Variants in EIF2B3 observed in about 807,000 individuals in gnomAD.
EIF2B3 encodes eukaryotic translation initiation factor 2B subunit gamma.
In EIF2B3, 20 loss-of-function variants were observed where a neutral mutation model predicts 54.1. The observed-to-expected ratio is 0.37, with a 90% CI of 0.26 to 0.54. The LOEUF (loss-of-function observed/expected upper bound fraction) is 0.54. Ranked by LOEUF, EIF2B3 falls within the 20% of genes least tolerant of loss-of-function variation. The probability of loss-of-function intolerance (pLI) is 0.86; values close to 1 mark genes in which losing one functional copy is unlikely to be tolerated. For synonymous variants in EIF2B3, 153 were observed against 188.1 expected (o/e 0.81, Z 1.52); for missense variants, 448 against 547.8 (o/e 0.82, Z 1.82).
chr1:44,854,929 C>T (rs571412695), intron 11 of EIF2B3, among the ~76,000 whole-genome samples: 5 of 151,954 alleles, frequency 3.3e-5, no homozygotes, highest in East Asian at 1.9e-4. Context: ...TTTCCTGAAA[C>T]CCCTTCATGT....
rs568015724 is a variant in EIF2B3 at position 44,888,609 on chromosome 1, A to G, written c.657-6870T>C. 2.0e-5 allele frequency among the ~76,000 whole-genome samples: 3 copies of G among 152,280 alleles called. No individual in the cohort carries two copies. The East Asian group carries it at 5.8e-4, about 29-fold the overall frequency. ...CTCATATTAAGTTGTAACGAATCTA[A>G]TGTATTTTGTGCTATGAATTTGTCT... On this transcript the variant is annotated intron_variant, in intron 6 of 11. Coordinates refer to ENST00000360403, the MANE Select transcript of EIF2B3 (RefSeq NM_020365.5).
intron 8 of EIF2B3, among the ~76,000 whole-genome samples, chr1:44,876,884 C>CTG (rs1413251646): frequency 1.5e-5 from 2 of 136,782 alleles, no homozygotes; most frequent in African/African-American, 3.0e-5. Flanking sequence ...TCCTGTTGAT[C>CTG]TGCGACCTTA....
At chr1:44,948,880 G>A (rs1184271094) in intron 3 of EIF2B3, among the ~76,000 whole-genome samples, 2 of 151,338 alleles carry the variant, frequency 1.3e-5, no homozygotes, top group African/African-American at 4.9e-5. Context: ...TTTTGAGAAA[G>A]AGTCTCGCTC....
rs768258901 is a variant in EIF2B3 at position 44,978,379 on chromosome 1, C to T, written c.230G>A (p.Cys77Tyr). ...FKMKMKPDIV[C>Y]IPDDADMGTA... ...TCCCATGTCAGCGTCATCAGGAATA[C>T]ACACAATATCTGGCTTCATTTTCAT... Residue 77 changes from cysteine to tyrosine, a missense_variant, in exon 3 of 12, where the codon TGT (cysteine) becomes TAT (tyrosine). Physicochemically the swap from Cys to Tyr is radical, Grantham distance 194. This residue lies in a region of EIF2B3 where 95 missense variants were observed against 115.7 expected (regional missense o/e 0.82). Transcript: ENST00000360403. The T allele has an allele frequency of 2.8e-5, 45 of 1,613,916 alleles. No individual in the cohort carries two copies. The South Asian group carries it at 4.4e-4, about 16-fold the overall frequency.
chr1:44,984,795 A>ATTTTTTTTTTTTTTTTTTTTTTTTTTT (rs1557718636), intron 1 of EIF2B3, among the ~76,000 whole-genome samples: 1 of 80,470 alleles, frequency 1.2e-5, no homozygotes, highest in South Asian at 4.0e-4. Context: ...AATAATGTCC[A>ATTTTTTTTTTTTTTTTTTTTTTTTTTT]TCTTTTTTTT....
At chr1:44,966,300 G>A (rs1002670157) in intron 3 of EIF2B3, among the ~76,000 whole-genome samples, 3 of 151,964 alleles carry the variant, frequency 2.0e-5, no homozygotes, top group Non-Finnish European at 4.4e-5. Context: ...TTGGCCAGGC[G>A]TGGTGGCGGG....
chr1:44,934,685 A>G (rs2148937091), intron 4 of EIF2B3, among the ~76,000 whole-genome samples: 1 of 151,974 alleles, frequency 6.6e-6, no homozygotes, highest in East Asian at 1.9e-4. Flanking sequence ...TTGTATTTTT[A>G]GTAGAGACAG....
At chr1:44,977,922 T>C (rs1172176813) in intron 3 of EIF2B3, among the ~76,000 whole-genome samples, 1 of 152,150 alleles carries the variant, frequency 6.6e-6, no homozygotes, top group Non-Finnish European at 1.5e-5. Context: ...TAAAAATATA[T>C]CAGAAATAAA....
At chr1:44,895,048 T>C (rs879700535) in intron 6 of EIF2B3, among the ~76,000 whole-genome samples, 2 of 152,208 alleles carry the variant, frequency 1.3e-5, no homozygotes, top group Admixed American at 1.3e-4. Context: ...TTCCAATATA[T>C]TGAAATATAT....
chr1:44,980,762 G>A (rs1644503128), intron 2 of EIF2B3, among the ~76,000 whole-genome samples: 1 of 152,056 alleles, frequency 6.6e-6, no homozygotes, highest in South Asian at 2.1e-4. Flanking sequence ...GCATTTAAGA[G>A]TCTCAATCTG....
intron 4 of EIF2B3, among the ~76,000 whole-genome samples, chr1:44,933,477 A>T (rs1489905964): frequency 6.6e-6 from 1 of 152,168 alleles, no homozygotes; most frequent in Non-Finnish European, 1.5e-5. Context: ...AAAGCACGTT[A>T]TTTGGAGATA....
At chr1:44,873,639 A>G (rs1655031113) in intron 10 of EIF2B3, among the ~76,000 whole-genome samples, 2 of 151,006 alleles carry the variant, frequency 1.3e-5, no homozygotes, top group African/African-American at 4.9e-5. Context: ...TTTATTTTTT[A>G]TTTATTTATT....
chr1:44,933,620 G>T (rs1643916803), intron 4 of EIF2B3, among the ~76,000 whole-genome samples: 1 of 151,936 alleles, frequency 6.6e-6, no homozygotes, highest in South Asian at 2.1e-4. Flanking sequence ...TAAATTTTGG[G>T]CATATAAAAC....
chr1:44,852,876 A>G (rs1248372948), intron 11 of EIF2B3, among the ~76,000 whole-genome samples: 1 of 152,090 alleles, frequency 6.6e-6, no homozygotes, highest in Non-Finnish European at 1.5e-5. Flanking sequence ...CTACTGCCAC[A>G]TGATGATTTT....
At chr1:44,857,628 A>G (rs1219945967) in intron 11 of EIF2B3, 76 bp downstream of exon 11, 32 of 1,405,260 alleles carry the variant, frequency 2.3e-5, no homozygotes, top group Non-Finnish European at 3.1e-5. Context: ...TGTTTCCCAC[A>G]TCCTCACCAG....
intron 1 of EIF2B3, among the ~76,000 whole-genome samples, chr1:44,983,704 TC>T (rs927806389): frequency 4.6e-5 from 7 of 151,850 alleles, no homozygotes; most frequent in African/African-American, 1.4e-4. Context: ...AAACTCTGTC[TC>T]TACTAAAAAA....
At chr1:44,968,190 C>G (rs549878074) in intron 3 of EIF2B3, among the ~76,000 whole-genome samples, 54 of 151,404 alleles carry the variant, frequency 3.6e-4, no homozygotes, top group Non-Finnish European at 7.2e-4. Context: ...AAGGCAAAAC[C>G]CTGTCTCTGC....
intron 1 of EIF2B3, among the ~76,000 whole-genome samples, chr1:44,984,031 T>A (rs1339945702): frequency 6.6e-6 from 1 of 151,806 alleles, no homozygotes; most frequent in Admixed American, 6.6e-5. Context: ...TTTTTAAAAG[T>A]AGCCAGGCAT....
chr1:44,882,810 T>G (rs1655447241), intron 6 of EIF2B3, among the ~76,000 whole-genome samples: 1 of 151,918 alleles, frequency 6.6e-6, no homozygotes, highest in Non-Finnish European at 1.5e-5. Context: ...GGATGGGGTT[T>G]TGCCATGTTG....
Sources: allele counts gnomAD v4.1 joint callset (sites outside exome capture counted in the v4.1 genomes callset), GRCh38; gene constraint gnomAD v4.1.1; regional missense constraint gnomAD v4.1.1; transcripts MANE v1.5; gene names NCBI Gene and HGNC (gene_info 2026-07-23, HGNC 2026-07-21).